The following BRAF variants were observed in gnomAD, a reference collection of about 807,000 sequenced individuals.
BRAF encodes B-Raf proto-oncogene, serine/threonine kinase.
In BRAF, 16 loss-of-function variants were observed where a neutral mutation model predicts 104.6. The observed-to-expected ratio is 0.15, with a 90% confidence interval of 0.10 to 0.23. The LOEUF (loss-of-function observed/expected upper bound fraction) is 0.23. Among genes scored for constraint, BRAF ranks in the 10% least tolerant of loss-of-function variants. The pLI, the probability that BRAF is intolerant of heterozygous loss-of-function variation, is 1.00. For missense variants in BRAF, 541 were observed against 937.3 expected, an observed-to-expected ratio of 0.58 and a Z score of 5.52; for synonymous variants, 310 against 341.6, an observed-to-expected ratio of 0.91 and a Z score of 1.02.
intron 17 of BRAF, chr7:140,747,300 C>T (rs1036151691): frequency 1.1e-6 from 1 of 900,790 alleles, no homozygotes; most frequent in African/African-American, 1.8e-5. Context: ...AACTTGGTTT[C>T]AGACTAGCAA....
At chr7:140,843,045 T>A (rs1808147155) in intron 2 of BRAF, among the ~76,000 whole-genome samples, 1 of 152,158 alleles carries the variant, frequency 6.6e-6, no homozygotes, top group Non-Finnish European at 1.5e-5. Context: ...AATAAAATAA[T>A]CATAGCACAA....
chr7:140,764,959 A>T (rs1249589455), intron 14 of BRAF, among the ~76,000 whole-genome samples: 1 of 152,228 alleles, frequency 6.6e-6, no homozygotes. Flanking sequence ...TTTAAAGTTC[A>T]TATGGAACCA....
intron 2 of BRAF, among the ~76,000 whole-genome samples, chr7:140,846,991 C>T (rs1231598774): frequency 2.0e-5 from 3 of 151,810 alleles, no homozygotes; most frequent in Non-Finnish European, 4.4e-5. Flanking sequence ...CCTGTCTCCA[C>T]TAAAAATACA....
At chr7:140,842,476 A>G (rs1198463560) in intron 2 of BRAF, among the ~76,000 whole-genome samples, 1 of 152,206 alleles carries the variant, frequency 6.6e-6, no homozygotes, top group Non-Finnish European at 1.5e-5. Flanking sequence ...ATTCTGAAGT[A>G]GTTAGGACTC....
At chr7:140,753,414 GA>G in intron 15 of BRAF, 21 bp from the exon 15 acceptor site, 1 of 1,441,896 alleles carries the variant, frequency 6.9e-7, no homozygotes, top group South Asian at 1.1e-5. Context: ...GTAAGTAAAG[GA>G]AAACAGTAGA....
intron 3 of BRAF, among the ~76,000 whole-genome samples, chr7:140,827,889 A>G (rs1304537241): frequency 6.6e-6 from 1 of 152,140 alleles, no homozygotes; most frequent in East Asian, 1.9e-4. Flanking sequence ...ATGGACACTG[A>G]AATTTTATTT....
At chr7:140,746,949 G>A (rs938717898) in intron 17 of BRAF, among the ~76,000 whole-genome samples, 3 of 152,086 alleles carry the variant, frequency 2.0e-5, no homozygotes, top group Admixed American at 6.5e-5. Context: ...GCTGTGCTCT[G>A]AATTTACAGG....
Position 140,723,064 on chromosome 7 carries a change from C to T in BRAF, c.*3430G>A. ...TTTTAAAATAAATAACTATTCATTACCTCATTCTGAAGAGGTAGTTTTTTG... is the reference window on the plus strand; with the variant it reads ...TTTTAAAATAAATAACTATTCATTATCTCATTCTGAAGAGGTAGTTTTTTG... On this transcript the variant is annotated 3_prime_UTR_variant, in exon 20 of 20. Coordinates refer to ENST00000644969, the MANE Select transcript of BRAF (RefSeq NM_001374258.1). 9.5e-7 allele frequency: 1 copy of T among 1,051,218 alleles called. No homozygotes were observed. Among genetic ancestry groups the T allele is most frequent in the East Asian group, 5.5e-5 (1 of 18,292 alleles). The allele number at this position is 1,051,218 out of a possible 1,614,324, so 65.1% of individuals were successfully genotyped here.
intron 1 of BRAF, among the ~76,000 whole-genome samples, chr7:140,880,143 A>G (rs577204290): frequency 1.3e-5 from 2 of 152,372 alleles, no homozygotes; most frequent in South Asian, 2.1e-4. Context: ...GAACCACAGT[A>G]GAACTACTTT....
intron 4 of BRAF, 196 bp from the exon 5 acceptor site, chr7:140,808,258 T>C (rs1378570007): frequency 1.6e-6 from 1 of 637,608 alleles, no homozygotes; most frequent in Admixed American, 2.1e-5. Context: ...GTATCACTCT[T>C]GGACAAACAG....
chr7:140,734,505 A>T, intron 19 of BRAF: 1 of 1,603,756 alleles, frequency 6.2e-7, no homozygotes, highest in Non-Finnish European at 8.5e-7. Context: ...AAAAAAAAAG[A>T]GAGTATTTTA....
chr7:140,787,694 C>A, intron 8 of BRAF, 110 bp from the exon 9 acceptor site: 1 of 900,014 alleles, frequency 1.1e-6, no homozygotes, highest in Non-Finnish European at 1.8e-6. Context: ...TTAATTAAAA[C>A]AATACATCTT....
intron 2 of BRAF, among the ~76,000 whole-genome samples, chr7:140,845,834 C>A (rs1336242219): frequency 6.6e-6 from 1 of 152,042 alleles, no homozygotes; most frequent in Non-Finnish European, 1.5e-5. Context: ...CGCACCACTA[C>A]ACACACCTGA....
chr7:140,807,803 T>C (rs930101789), intron 5 of BRAF, among the ~76,000 whole-genome samples, 157 bp downstream of exon 5: 3 of 152,160 alleles, frequency 2.0e-5, no homozygotes, highest in Admixed American at 1.3e-4. Flanking sequence ...TAAACTCTTG[T>C]TTAAATACAA....
At chr7:140,776,068 T>C (rs1800311937) in intron 14 of BRAF, among the ~76,000 whole-genome samples, 1 of 152,212 alleles carries the variant, frequency 6.6e-6, no homozygotes. Flanking sequence ...GTGCCACTTA[T>C]TAAATGTGTG....
At position 140,829,283 on chromosome 7, in the gene BRAF, T is replaced by C. The variant is rs184801652; in HGVS notation, c.504+5326A>G. Among the ~76,000 whole-genome samples the C allele has an allele frequency of 8.7e-4, 132 of 151,816 alleles. 2 individuals are homozygous for C. The highest frequency in any genetic ancestry group is 3.5e-3 in the Admixed American group (53 of 15,210). ...TGAGCTAATTAAGTTTTGATTAAGA[T>C]AGTGACCTCAACTCCTAGATTTTAC... On this transcript the variant is annotated intron_variant, in intron 3 of 19. Coordinates refer to ENST00000644969, the MANE Select transcript of BRAF (RefSeq NM_001374258.1).
chr7:140,830,434 T>G (rs1026408589), intron 3 of BRAF, among the ~76,000 whole-genome samples: 1 of 152,204 alleles, frequency 6.6e-6, no homozygotes, highest in Non-Finnish European at 1.5e-5. Context: ...AAAACTCTTG[T>G]AATTTCCTGA....
intron 1 of BRAF, among the ~76,000 whole-genome samples, chr7:140,906,905 T>C (rs1390415978): frequency 6.6e-6 from 1 of 152,154 alleles, no homozygotes; most frequent in African/African-American, 2.4e-5. Flanking sequence ...TAGATTTCTA[T>C]TTATATTGCT....
Position 140,800,668 on chromosome 7 carries a change from G to A in BRAF, c.861-187C>T, listed in dbSNP as rs539688254. ...AATTGTATTGCACTTTCAAAGGCATGCTTATAACTTAAAACTAATCATTCA... is the reference window on the plus strand; with the variant it reads ...AATTGTATTGCACTTTCAAAGGCATACTTATAACTTAAAACTAATCATTCA... On this transcript the variant is annotated intron_variant, in intron 6 of 19. Transcript: ENST00000644969. Among the ~76,000 whole-genome samples the A allele has an allele frequency of 9.9e-5, 15 of 152,272 alleles. No homozygotes were observed. The South Asian group carries it at 1.2e-3, about 13-fold the overall frequency.
Sources: gnomAD v4.1 joint callset for allele counts (sites outside exome capture counted in the v4.1 genomes callset) on GRCh38, gnomAD v4.1.1 for gene constraint, MANE v1.5 for transcripts, NCBI Gene and HGNC (gene_info 2026-07-23, HGNC 2026-07-21) for gene names.